Variants in NOL4 observed in about 807,000 individuals in gnomAD.
NOL4 encodes nucleolar protein 4, also known as cancer/testis antigen 125.
NOL4 carries 17 observed loss-of-function variants against 75.9 expected under a neutral mutation model. The observed-to-expected ratio is 0.22, with a 90% confidence interval of 0.15 to 0.34. The LOEUF (loss-of-function observed/expected upper bound fraction) is 0.34, where lower values mean the gene tolerates loss of function less well. Among genes scored for constraint, NOL4 ranks in the 10% least tolerant of loss-of-function variants. NOL4 has a pLI of 1.00. For synonymous variants in NOL4, 292 were observed against 289.9 expected (o/e 1.01, Z -0.07); for missense variants, 614 against 793.5 (o/e 0.77, Z 2.72).
intron 5 of NOL4, among the ~76,000 whole-genome samples, chr18:34,083,731 A>G (rs4419128): frequency 0.63 from 96,361 of 152,042 alleles, 32,297 homozygotes; most frequent in East Asian, 0.96. Flanking sequence ...CTTCTTAATG[A>G]ATTCACTTTA....
Position 33,993,634 on chromosome 18 carries a change from C to A in NOL4, c.1056+25684G>T, listed in dbSNP as rs921140945. 2.6e-5 allele frequency among the ~76,000 whole-genome samples: 4 copies of A among 151,540 alleles called. No individual in the cohort carries two copies. In the Admixed American group the frequency reaches 2.6e-4, roughly 10 times the overall value. On this transcript the variant is annotated intron_variant, in intron 6 of 10. Coordinates refer to ENST00000261592, the MANE Select transcript of NOL4 (RefSeq NM_003787.5). ...AGGCAACAGAAACTGTATGAGTGAG[C>A]AGATGTTAGGTTTAACAGAATAAGA...
chr18:33,995,845 A>G (rs1371866754), intron 6 of NOL4, among the ~76,000 whole-genome samples: 5 of 151,960 alleles, frequency 3.3e-5, no homozygotes, highest in Admixed American at 1.3e-4. Flanking sequence ...GTCCTAGAAT[A>G]TGGCCTAATT....
chr18:34,183,174 T>C (rs75588704), intron 1 of NOL4, among the ~76,000 whole-genome samples: 1,625 of 151,966 alleles, frequency 0.011, 34 homozygotes, highest in African/African-American at 0.038. Flanking sequence ...GATTTGTATT[T>C]AGAACATAAA....
intron 1 of NOL4, among the ~76,000 whole-genome samples, chr18:34,214,308 A>C (rs2036723771): frequency 6.6e-6 from 1 of 152,156 alleles, no homozygotes; most frequent in South Asian, 2.1e-4. Flanking sequence ...GTACTTTTAA[A>C]TATAGTTTAT....
intron 10 of NOL4, among the ~76,000 whole-genome samples, chr18:33,870,463 G>T (rs916134114): frequency 8.6e-5 from 13 of 151,780 alleles, no homozygotes; most frequent in African/African-American, 2.9e-4. Context: ...TTATATTCCT[G>T]AAAAAAACCA....
chr18:34,102,088 A>C (rs1225882936), intron 4 of NOL4, among the ~76,000 whole-genome samples: 2 of 151,924 alleles, frequency 1.3e-5, no homozygotes, highest in African/African-American at 4.8e-5. Flanking sequence ...ACTTCTATTC[A>C]AATGATACAT....
At chr18:34,041,530 C>T (rs2076141817) in intron 5 of NOL4, among the ~76,000 whole-genome samples, 1 of 150,222 alleles carries the variant, frequency 6.7e-6, no homozygotes, top group South Asian at 2.1e-4. Context: ...AAAGCCACTT[C>T]GTTATCACCC....
chr18:34,172,521 T>G (rs1402651902), intron 1 of NOL4, among the ~76,000 whole-genome samples: 1 of 152,150 alleles, frequency 6.6e-6, no homozygotes, highest in Non-Finnish European at 1.5e-5. Flanking sequence ...GATACTGATT[T>G]CATTCTTTTG....
intron 2 of NOL4, among the ~76,000 whole-genome samples, chr18:34,113,094 C>T (rs1014793862): frequency 1.3e-5 from 2 of 152,090 alleles, no homozygotes; most frequent in Non-Finnish European, 2.9e-5. Flanking sequence ...CTCAGCCTCC[C>T]AATTAGCTAG....
intron 9 of NOL4, among the ~76,000 whole-genome samples, chr18:33,913,545 T>C (rs1314692436): frequency 6.6e-6 from 1 of 152,054 alleles, no homozygotes; most frequent in African/African-American, 2.4e-5. Flanking sequence ...ACAAAGAAAA[T>C]GAGGTGAGTT....
intron 1 of NOL4, among the ~76,000 whole-genome samples, chr18:34,205,161 C>T (rs530839278): frequency 2.6e-5 from 4 of 152,148 alleles, no homozygotes; most frequent in African/African-American, 9.6e-5. Flanking sequence ...AGCTTTCAAG[C>T]TTCAGAAACT....
intron 1 of NOL4, among the ~76,000 whole-genome samples, chr18:34,219,575 G>C (rs1400335905): frequency 6.6e-6 from 1 of 152,228 alleles, no homozygotes; most frequent in East Asian, 1.9e-4. Context: ...TACCAAATGT[G>C]TAAAACAGAG....
intron 2 of NOL4, 114 bp downstream of exon 2, chr18:34,129,757 T>C (rs2080549712): frequency 1.0e-6 from 1 of 964,180 alleles, no homozygotes; most frequent in East Asian, 2.8e-5. Context: ...GACCATCATA[T>C]GGCCTAATTT....
intron 1 of NOL4, among the ~76,000 whole-genome samples, chr18:34,162,162 A>T (rs1232913379): frequency 6.6e-6 from 1 of 152,182 alleles, no homozygotes; most frequent in Non-Finnish European, 1.5e-5. Flanking sequence ...TAAACCTAAC[A>T]TCACAATTAA....
chr18:34,159,017 G>T (rs1254299687), intron 1 of NOL4, among the ~76,000 whole-genome samples: 2 of 152,346 alleles, frequency 1.3e-5, no homozygotes, highest in East Asian at 3.9e-4. Flanking sequence ...GGTGGCAGCT[G>T]CTGGGTTAGA....
chr18:33,920,894 C>T (rs1025920275), intron 9 of NOL4, among the ~76,000 whole-genome samples: 1 of 152,200 alleles, frequency 6.6e-6, no homozygotes, highest in Non-Finnish European at 1.5e-5. Context: ...GGCCAGCCAG[C>T]TGGACATCAT....
At chr18:34,027,009 T>C (rs537649480) in intron 5 of NOL4, among the ~76,000 whole-genome samples, 33 of 152,224 alleles carry the variant, frequency 2.2e-4, no homozygotes, top group African/African-American at 7.7e-4. Context: ...GGGAAGAAAA[T>C]GAATTAATTT....
chr18:34,025,916 C>G (rs1024607945), intron 5 of NOL4, among the ~76,000 whole-genome samples: 4 of 152,072 alleles, frequency 2.6e-5, no homozygotes, highest in African/African-American at 9.7e-5. Flanking sequence ...CTCTCCTACC[C>G]CTGCCCTTCA....
At chr18:34,071,741 T>C (rs1218816623) in intron 5 of NOL4, among the ~76,000 whole-genome samples, 5 of 152,296 alleles carry the variant, frequency 3.3e-5, no homozygotes, top group Non-Finnish European at 5.9e-5. Flanking sequence ...TAAACTATGA[T>C]GTTCATTAGG....
Sources: allele counts gnomAD v4.1 joint callset (sites outside exome capture counted in the v4.1 genomes callset), GRCh38; gene constraint gnomAD v4.1.1; transcripts MANE v1.5; gene names NCBI Gene and HGNC (gene_info 2026-07-23, HGNC 2026-07-21).